The following ADGRB1 variants were observed in gnomAD, a reference collection of about 807,000 sequenced individuals.
The protein encoded by ADGRB1 is adhesion G protein-coupled receptor B1, also known as brain-specific angiogenesis inhibitor 1.
In ADGRB1, 36 loss-of-function variants were observed where a neutral mutation model predicts 175.7. The ratio of observed to expected loss-of-function variants is 0.20; its 90% confidence interval spans 0.16 to 0.27. ADGRB1 has a LOEUF of 0.27. Ranked by LOEUF, ADGRB1 falls within the 10% of genes least tolerant of loss-of-function variation. ADGRB1 has a pLI of 1.00. For missense variants in ADGRB1, 1,731 were observed against 2,255.3 expected (o/e 0.77, Z 4.71); for synonymous variants, 1,054 against 979.4 (o/e 1.08, Z -1.42).
chr8:142,508,543 G>C (rs2132023918), intron 17 of ADGRB1, among the ~76,000 whole-genome samples: 1 of 152,318 alleles, frequency 6.6e-6, no homozygotes, highest in South Asian at 2.1e-4. Context: ...TCTGCACTCT[G>C]CTCAGGGAGA....
chr8:142,480,311 GC>G (rs1841265560), intron 9 of ADGRB1, among the ~76,000 whole-genome samples: 1 of 152,178 alleles, frequency 6.6e-6, no homozygotes, highest in Non-Finnish European at 1.5e-5. Flanking sequence ...CTCTGGTTCT[GC>G]CCTTGTTTGC....
At chr8:142,539,070 AT>A (rs1270139715) in intron 26 of ADGRB1, among the ~76,000 whole-genome samples, 1 of 152,196 alleles carries the variant, frequency 6.6e-6, no homozygotes, top group African/African-American at 2.4e-5. Flanking sequence ...ATTCTCTCAC[AT>A]TTACAAACAC....
chr8:142,454,209 C>G (rs1839525227), intron 1 of ADGRB1, among the ~76,000 whole-genome samples: 1 of 152,164 alleles, frequency 6.6e-6, no homozygotes, highest in South Asian at 2.1e-4. Flanking sequence ...CACAGCTGCA[C>G]TGCACAAGAC....
chr8:142,528,022 C>T (rs943869909), intron 24 of ADGRB1, among the ~76,000 whole-genome samples: 3 of 152,320 alleles, frequency 2.0e-5, no homozygotes, highest in Middle Eastern at 6.8e-3. Flanking sequence ...CAGGAGCGCA[C>T]CCAGACTCGC....
chr8:142,460,022 G>A (rs943017705), intron 1 of ADGRB1, among the ~76,000 whole-genome samples: 7 of 152,222 alleles, frequency 4.6e-5, no homozygotes, highest in Admixed American at 6.5e-5. Context: ...CTAGACTGTC[G>A]GCCAACACTG....
In ADGRB1 at chr8:142,508,149, T is replaced by G. The variant is rs903241667; in HGVS notation, c.2676-2783T>G. Reference sequence around the variant, plus strand: ...CTGCAAGGGACTGTCAGAGATAACCTGAGACCCATCCCAAGCCAGGAAATA... The same window carrying G: ...CTGCAAGGGACTGTCAGAGATAACCGGAGACCCATCCCAAGCCAGGAAATA... On this transcript the variant is annotated intron_variant, in intron 17 of 30. Coordinates refer to ENST00000517894, the MANE Select transcript of ADGRB1 (RefSeq NM_001702.3). Among the ~76,000 whole-genome samples the G allele has an allele frequency of 2.0e-5, 3 of 152,114 alleles. No individual in the cohort carries two copies. The South Asian group carries it at 6.2e-4, about 32-fold the overall frequency.
chr8:142,456,367 AAC>A (rs1839683542), intron 1 of ADGRB1, among the ~76,000 whole-genome samples: 1 of 152,060 alleles, frequency 6.6e-6, no homozygotes, highest in East Asian at 1.9e-4. Context: ...ACAGCCCTTG[AAC>A]AGTGTGCACA....
chr8:142,528,378 C>T (rs922814294), intron 24 of ADGRB1, among the ~76,000 whole-genome samples: 1 of 152,196 alleles, frequency 6.6e-6, no homozygotes, highest in Non-Finnish European at 1.5e-5. Flanking sequence ...AGCGCCCACG[C>T]CCCAGGCCTG....
rs115843585 is a variant in ADGRB1, at chr8:142,476,587, G to A, written c.949G>A (p.Ala317Thr). Residue 317 changes from alanine (A) to threonine (T), a missense_variant and splice_region_variant, in exon 4 of 31, where the codon GCT becomes ACT. Ala to Thr is a moderately conservative substitution (Grantham distance 58, BLOSUM62 0). This residue lies in a region of ADGRB1 where 178 missense variants were observed against 227.8 expected (regional missense o/e 0.78). Coordinates refer to ENST00000517894, the MANE Select transcript of ADGRB1 (RefSeq NM_001702.3). Reference sequence around the variant, plus strand: ...GCTGACCTAAGCCCGTCCTGCAGCCGCTGGGCGCACCAGCTCCCGGAGCCA... The same window carrying A: ...GCTGACCTAAGCCCGTCCTGCAGCCACTGGGCGCACCAGCTCCCGGAGCCA... Reference protein sequence around the residue: ...RQCNREACGPAGRTSSRSQSL... With the variant: ...RQCNREACGPTGRTSSRSQSL... 227 of 1,548,496 alleles carry A rather than the reference G, an allele frequency of 1.5e-4. No homozygotes were observed. In the African/African-American group the frequency reaches 2.7e-3, roughly 18 times the overall value.
intron 26 of ADGRB1, among the ~76,000 whole-genome samples, chr8:142,539,017 A>G (rs1845104472): frequency 6.6e-6 from 1 of 152,208 alleles, no homozygotes; most frequent in Non-Finnish European, 1.5e-5. Flanking sequence ...ACAGCCACAT[A>G]CAGAAATACA....
chr8:142,508,460 C>T (rs754732509), intron 17 of ADGRB1, among the ~76,000 whole-genome samples: 3 of 152,200 alleles, frequency 2.0e-5, no homozygotes, highest in East Asian at 1.9e-4. Context: ...AGGGACCCCA[C>T]GCTCCCTTTC....
At chr8:142,498,866 G>A (rs1039945317) in intron 17 of ADGRB1, among the ~76,000 whole-genome samples, 5 of 152,154 alleles carry the variant, frequency 3.3e-5, no homozygotes, top group African/African-American at 9.7e-5. Flanking sequence ...GAGGGGCTTC[G>A]GCAGTGGAGG....
At chr8:142,524,911 G>A (rs576099201) in intron 23 of ADGRB1, among the ~76,000 whole-genome samples, 2 of 152,196 alleles carry the variant, frequency 1.3e-5, no homozygotes, top group East Asian at 3.9e-4. Flanking sequence ...GGCCTCTACT[G>A]GGTCCAGCTC....
rs368106308 is a variant in ADGRB1 at position 142,522,151 on chromosome 8, A to G, written c.3175+36A>G. 4.0e-5 allele frequency: 63 copies of G among 1,591,012 alleles called. 3 individuals are homozygous for G. In the Admixed American group the frequency reaches 4.2e-4, roughly 11 times the overall value. On this transcript the variant is annotated intron_variant, in intron 21 of 30. Transcript: ENST00000517894. ...GCCTTCCCGACCCTCCTGGACAGAT[A>G]CCCTTCCTCCCCCACTGCTTGTTCT...
chr8:142,540,806 TGG>T (rs1468770678), intron 27 of ADGRB1, among the ~76,000 whole-genome samples: 2 of 149,502 alleles, frequency 1.3e-5, no homozygotes, highest in African/African-American at 5.0e-5. Flanking sequence ...GGGTCACTCT[TGG>T]GTAGGGACGA....
In ADGRB1 at chr8:142,544,340, A is replaced by C. The variant is rs759266975; in HGVS notation, c.4678A>C (p.Ser1560Arg). Reference sequence around the variant, plus strand: ...GCAGCCGTCGCCGCTGGAGCTTCGCAGCGTGGAGTGGGAGAGGTCGGGCGC... The same window carrying C: ...GCAGCCGTCGCCGCTGGAGCTTCGCCGCGTGGAGTGGGAGAGGTCGGGCGC... ...PLQPSPLELR[S>R]VEWERSGATI... is the part of the protein sequence containing the mutation. The change falls in exon 31 of 31, where the codon AGC (serine) becomes CGC (arginine). Residue 1560 changes from serine to arginine, a missense_variant. Ser to Arg is a moderately radical substitution (Grantham distance 110, BLOSUM62 -1). This residue lies in a region of ADGRB1 where 394 missense variants were observed against 410.2 expected (regional missense o/e 0.96). Transcript: ENST00000517894. 2 of 1,547,716 alleles carry C rather than the reference A, an allele frequency of 1.3e-6. No individual in the cohort carries two copies. Among genetic ancestry groups the C allele is most frequent in the East Asian group, 2.4e-5 (1 of 40,864 alleles).
intron 17 of ADGRB1, among the ~76,000 whole-genome samples, chr8:142,502,738 G>A (rs972257444): frequency 2.6e-5 from 4 of 151,788 alleles, no homozygotes; most frequent in African/African-American, 9.7e-5. Flanking sequence ...GGTGGTGGTT[G>A]TGATATAGTG....
intron 13 of ADGRB1, among the ~76,000 whole-genome samples, chr8:142,487,476 T>A (rs1471471918): frequency 1.3e-5 from 2 of 152,158 alleles, no homozygotes; most frequent in African/African-American, 4.8e-5. Context: ...AAAACCCTGT[T>A]CTCGGGCATC....
chr8:142,452,292 G>A (rs1839397371), intron 1 of ADGRB1, among the ~76,000 whole-genome samples: 1 of 152,332 alleles, frequency 6.6e-6, no homozygotes, highest in South Asian at 2.1e-4. Context: ...GGCTCCGCGG[G>A]TGGGCGCTGC....
Sources: allele counts gnomAD v4.1 joint callset (sites outside exome capture counted in the v4.1 genomes callset), GRCh38; gene constraint gnomAD v4.1.1; regional missense constraint gnomAD v4.1.1; transcripts MANE v1.5; gene names NCBI Gene and HGNC (gene_info 2026-07-23, HGNC 2026-07-21).